ROBO2: variants seen among roughly 807,000 people sequenced by gnomAD.
ROBO2 encodes roundabout guidance receptor 2.
In ROBO2, 53 loss-of-function variants were observed where a neutral mutation model predicts 160.8. That is an observed-to-expected ratio of 0.33 (90% CI 0.26 to 0.41). The LOEUF is 0.41. Among genes scored for constraint, ROBO2 ranks in the 10% least tolerant of loss-of-function variants. ROBO2 has a pLI of 1.00. For synonymous variants in ROBO2, 664 were observed against 611.7 expected (o/e 1.09, Z -1.26); for missense variants, 1,577 against 1,722.4 (o/e 0.92, Z 1.49).
At chr3:77,481,293 A>G in intron 4 of ROBO2, 74 bp downstream of exon 4, 1 of 1,291,714 alleles carries the variant, frequency 7.7e-7, no homozygotes, top group Non-Finnish European at 1.0e-6. Context: ...ACTAACATTA[A>G]AAACTGGGCC....
At chr3:76,472,448 C>T (rs762591502) in intron 2 of ROBO2, among the ~76,000 whole-genome samples, 11 of 151,852 alleles carry the variant, frequency 7.2e-5, no homozygotes, top group African/African-American at 1.7e-4. Context: ...AAAGGAATGC[C>T]GACTGCAATC....
intron 4 of ROBO2, among the ~76,000 whole-genome samples, chr3:77,491,868 G>A (rs1002052660): frequency 9.2e-5 from 14 of 152,048 alleles, no homozygotes; most frequent in African/African-American, 3.4e-4. Flanking sequence ...ATATACAATA[G>A]TCTTCCTTCT....
At chr3:77,320,917 A>G (rs2064617357) in intron 2 of ROBO2, among the ~76,000 whole-genome samples, 1 of 152,196 alleles carries the variant, frequency 6.6e-6, no homozygotes, top group Admixed American at 6.5e-5. Flanking sequence ...AAATCTTTTC[A>G]GTTACCAAAT....
intron 1 of ROBO2, 38 bp downstream of exon 1, chr3:77,040,884 C>T: frequency 6.2e-7 from 1 of 1,611,338 alleles, no homozygotes; most frequent in Non-Finnish European, 8.5e-7. Flanking sequence ...TTGCGCCCCC[C>T]ACCCCCCAAT....
In ROBO2 at chr3:76,119,195, TTTTC is replaced by T. The variant is rs542579924; in HGVS notation, c.109+181595_109+181598del. ...GAATAAATGGCATTTATAGCCTTGC[TTTTC>T]TAAAGTAATAGATGAATTCGCTGTT... is the stretch of plus-strand genomic sequence containing the variant. On this transcript the variant is annotated intron_variant, in intron 2 of 26. Transcript: ENST00000487694. Among the ~76,000 whole-genome samples, 1,073 of 152,322 alleles carry T rather than the reference TTTTC, an allele frequency of 7.0e-3. 4 individuals are homozygous for T. The highest frequency in any genetic ancestry group is 0.012 in the Non-Finnish European group (812 of 68,024).
intron 5 of ROBO2, among the ~76,000 whole-genome samples, chr3:77,515,412 A>C (rs2089906223): frequency 6.6e-6 from 1 of 151,770 alleles, no homozygotes; most frequent in African/African-American, 2.4e-5. Flanking sequence ...CTGTATGTTA[A>C]AAATGTCCAC....
At chr3:77,192,832 T>G (rs1219876533) in intron 2 of ROBO2, among the ~76,000 whole-genome samples, 1 of 151,536 alleles carries the variant, frequency 6.6e-6, no homozygotes, top group East Asian at 1.9e-4. Flanking sequence ...TTTTGTATTT[T>G]AAGTAGAGAT....
chr3:77,039,488 G>T (rs1021389423), upstream of ROBO2, among the ~76,000 whole-genome samples: 2 of 152,196 alleles, frequency 1.3e-5, no homozygotes, highest in Non-Finnish European at 1.5e-5. Flanking sequence ...CCCATTAAAC[G>T]GGACGCGGCG....
intron 2 of ROBO2, chr3:77,317,563 C>A (rs538408770): frequency 3.5e-4 from 481 of 1,372,330 alleles, no homozygotes; most frequent in Non-Finnish European, 4.7e-4. Context: ...TGAAGACATC[C>A]CTAGCAGATT....
intron 1 of ROBO2, among the ~76,000 whole-genome samples, chr3:75,910,369 A>T (rs1946521792): frequency 6.6e-6 from 1 of 152,256 alleles, no homozygotes; most frequent in Admixed American, 6.5e-5. Context: ...CTATGAGGTC[A>T]TGCTTTCTTG....
chr3:77,001,019 C>T (rs185629398), intron 2 of ROBO2, among the ~76,000 whole-genome samples: 35 of 152,198 alleles, frequency 2.3e-4, no homozygotes, highest in Non-Finnish European at 1.3e-4. Context: ...TCAAGTTTAC[C>T]CAACAGCCAT....
At chr3:77,162,501 C>T (rs371837848) in intron 2 of ROBO2, among the ~76,000 whole-genome samples, 27 of 152,116 alleles carry the variant, frequency 1.8e-4, no homozygotes, top group East Asian at 3.9e-4. Flanking sequence ...TGTTTCCGTA[C>T]GTAAGATCCA....
At chr3:76,361,195 G>C (rs904962585) in intron 2 of ROBO2, among the ~76,000 whole-genome samples, 2 of 152,050 alleles carry the variant, frequency 1.3e-5, no homozygotes, top group African/African-American at 2.4e-5. Context: ...GTGCACTTGA[G>C]TGTTTTATCA....
intron 2 of ROBO2, among the ~76,000 whole-genome samples, chr3:76,604,537 A>G (rs1445847966): frequency 6.6e-6 from 1 of 152,160 alleles, no homozygotes; most frequent in African/African-American, 2.4e-5. Flanking sequence ...TTTATTTTGC[A>G]AATTTAGTAG....
At chr3:77,446,552 G>A (rs1213338893) in intron 2 of ROBO2, among the ~76,000 whole-genome samples, 1 of 151,966 alleles carries the variant, frequency 6.6e-6, no homozygotes, top group Non-Finnish European at 1.5e-5. Context: ...GATATAAGCA[G>A]CATATCTTTT....
At chr3:77,138,774 G>C (rs879909912) in intron 2 of ROBO2, among the ~76,000 whole-genome samples, 2 of 152,094 alleles carry the variant, frequency 1.3e-5, no homozygotes, top group African/African-American at 4.8e-5. Context: ...ATTTAAAGTG[G>C]CCAGAAGCAA....
intron 2 of ROBO2, among the ~76,000 whole-genome samples, chr3:76,264,317 G>A (rs980503): frequency 0.71 from 106,491 of 150,910 alleles, 41,250 homozygotes; most frequent in Non-Finnish European, 0.89. Context: ...TTCAATATTT[G>A]GGTATTGTCT....
At chr3:77,225,790 A>C (rs1055321195) in intron 2 of ROBO2, among the ~76,000 whole-genome samples, 1 of 152,052 alleles carries the variant, frequency 6.6e-6, no homozygotes, top group African/African-American at 2.4e-5. Flanking sequence ...TTGCAAGCTT[A>C]TAATAATGTT....
rs1259065851 is a variant in ROBO2 at position 76,567,654 on chromosome 3, C to CATACAT, written c.110-530359_110-530358insTACATA. 4.0e-3 allele frequency among the ~76,000 whole-genome samples: 167 copies of CATACAT among 41,582 alleles called. 1 individual carries two copies. The highest frequency in any genetic ancestry group is 0.013 in the African/African-American group (160 of 12,230). The allele number at this position is 41,582 out of a possible 152,430, so 27.3% of individuals were successfully genotyped here. ...ATATATATATATATATATATATATACACATACACATATATATACATATATA... is the reference window on the plus strand; with the variant it reads ...ATATATATATATATATATATATATACATACATACATACACATATATATACATATATA... On this transcript the variant is annotated intron_variant, in intron 2 of 26. Transcript: ENST00000487694.
Sources: allele counts gnomAD v4.1 joint callset (sites outside exome capture counted in the v4.1 genomes callset), GRCh38; gene constraint gnomAD v4.1.1; transcripts MANE v1.5; gene names NCBI Gene and HGNC (gene_info 2026-07-23, HGNC 2026-07-21).